The following CABLES1 variants were observed in gnomAD, a reference collection of about 807,000 sequenced individuals.
CABLES1 encodes CDK5 and ABL1 enzyme substrate 1.
In CABLES1, 36 loss-of-function variants were observed where a neutral mutation model predicts 57.8. The observed-to-expected ratio is 0.62, with a 90% CI of 0.48 to 0.82. CABLES1 has a LOEUF of 0.82. CABLES1 is among the 40% of genes least tolerant of loss of function. CABLES1 has a pLI of 0.00. For missense variants in CABLES1, 767 were observed against 836.6 expected (o/e 0.92, Z 1.03); for synonymous variants, 374 against 363.0 (o/e 1.03, Z -0.35).
intron 7 of CABLES1, among the ~76,000 whole-genome samples, chr18:23,250,673 G>T (rs1204689311): frequency 1.3e-5 from 2 of 152,172 alleles, no homozygotes; most frequent in Non-Finnish European, 2.9e-5. Flanking sequence ...CCCTTTCCTG[G>T]TCCTTGCAGG....
At chr18:23,246,584 G>A (rs1398652854) in intron 7 of CABLES1, among the ~76,000 whole-genome samples, 3 of 151,746 alleles carry the variant, frequency 2.0e-5, no homozygotes, top group Admixed American at 1.3e-4. Flanking sequence ...GTAGAGATGG[G>A]GTTTCACCGT....
intron 8 of CABLES1, 41 bp downstream of exon 8, chr18:23,253,107 C>A (rs1322006204): frequency 1.8e-6 from 2 of 1,111,674 alleles, no homozygotes; most frequent in South Asian, 2.5e-5. Context: ...TCCCTGCAAA[C>A]CCCTCTTTCC....
rs547467789 is a variant in CABLES1, at chr18:23,247,016, A to G, written c.1447-5944A>G. On this transcript the variant is annotated intron_variant, in intron 7 of 9. Transcript: ENST00000256925. ...CTTGCAAGTTTTTATAATTCATACA[A>G]TTCAAACCTGAATAAAGCATTGGCC... Among the ~76,000 whole-genome samples, 13 of 152,342 alleles carry G rather than the reference A, an allele frequency of 8.5e-5. No homozygotes were observed. The South Asian group carries it at 2.3e-3, about 27-fold the overall frequency.
intron 9 of CABLES1, among the ~76,000 whole-genome samples, chr18:23,256,467 G>A (rs1282964199): frequency 3.3e-5 from 5 of 152,152 alleles, no homozygotes; most frequent in Non-Finnish European, 7.3e-5. Context: ...ATTGTCGTGC[G>A]TGGTTTGCTT....
intron 4 of CABLES1, among the ~76,000 whole-genome samples, chr18:23,225,057 G>A (rs975937440): frequency 5.3e-5 from 8 of 151,898 alleles, no homozygotes; most frequent in Non-Finnish European, 1.0e-4. Context: ...TTGTAGAGTC[G>A]GGTTTCACCA....
intron 3 of CABLES1, among the ~76,000 whole-genome samples, chr18:23,213,611 A>G (rs2047420255): frequency 1.3e-5 from 2 of 152,196 alleles, no homozygotes; most frequent in Admixed American, 1.3e-4. Flanking sequence ...ATAGAAATCA[A>G]TGGTTTAAAT....
At chr18:23,203,560 G>A (rs1466398798) in intron 3 of CABLES1, among the ~76,000 whole-genome samples, 1 of 152,178 alleles carries the variant, frequency 6.6e-6, no homozygotes, top group Non-Finnish European at 1.5e-5. Context: ...TCAAGCTGGA[G>A]CCTTTCCTTG....
At chr18:23,239,991 G>A (rs187721147) in intron 7 of CABLES1, among the ~76,000 whole-genome samples, 22 of 152,296 alleles carry the variant, frequency 1.4e-4, no homozygotes, top group South Asian at 1.2e-3. Flanking sequence ...GGTGTTGCGC[G>A]CCTGTAGTCC....
chr18:23,205,610 A>G (rs936651903), intron 3 of CABLES1, among the ~76,000 whole-genome samples: 1 of 152,134 alleles, frequency 6.6e-6, no homozygotes, highest in Non-Finnish European at 1.5e-5. Context: ...TTATTTGGAA[A>G]CAGAGTTGTG....
At chr18:23,143,094 TG>T (rs1489273727) in intron 1 of CABLES1, among the ~76,000 whole-genome samples, 1 of 152,180 alleles carries the variant, frequency 6.6e-6, no homozygotes, top group Non-Finnish European at 1.5e-5. Flanking sequence ...AGGCTTCAGC[TG>T]AACTGAGCAG....
At chr18:23,217,644 CAACT>C (rs1471430654) in intron 4 of CABLES1, among the ~76,000 whole-genome samples, 1 of 152,154 alleles carries the variant, frequency 6.6e-6, no homozygotes, top group Non-Finnish European at 1.5e-5. Flanking sequence ...AATTGGGAAA[CAACT>C]ATGCTCAAAT....
chr18:23,153,139 AG>A (rs1342022446), intron 1 of CABLES1, among the ~76,000 whole-genome samples: 1 of 151,530 alleles, frequency 6.6e-6, no homozygotes, highest in Non-Finnish European at 1.5e-5. Context: ...TTTCCCTCCC[AG>A]GCTGGAGTGT....
chr18:23,143,509 C>T (rs562716454), intron 1 of CABLES1, among the ~76,000 whole-genome samples: 1 of 152,354 alleles, frequency 6.6e-6, no homozygotes, highest in African/African-American at 2.4e-5. Flanking sequence ...ATCACCCTTT[C>T]CCCAACTGCC....
intron 1 of CABLES1, among the ~76,000 whole-genome samples, chr18:23,159,471 G>C (rs773515834): frequency 6.6e-6 from 1 of 152,198 alleles, no homozygotes; most frequent in Non-Finnish European, 1.5e-5. Flanking sequence ...TTTCTTGAGA[G>C]AGAAAGGCAC....
intron 4 of CABLES1, among the ~76,000 whole-genome samples, chr18:23,229,994 A>G (rs2047555556): frequency 1.3e-5 from 2 of 152,242 alleles, no homozygotes; most frequent in South Asian, 2.1e-4. Flanking sequence ...CTTACCTAAG[A>G]AGAATGAACC....
At chr18:23,252,013 G>A (rs1468368058) in intron 7 of CABLES1, among the ~76,000 whole-genome samples, 1 of 151,792 alleles carries the variant, frequency 6.6e-6, no homozygotes, top group Non-Finnish European at 1.5e-5. Flanking sequence ...TTGAACCCGG[G>A]AGGCGGAGGT....
chr18:23,230,862 C>G (rs980572002), intron 4 of CABLES1, among the ~76,000 whole-genome samples: 2 of 152,128 alleles, frequency 1.3e-5, no homozygotes, highest in African/African-American at 2.4e-5. Context: ...TTTGGTTGCC[C>G]TAGCACTGCC....
chr18:23,185,990 A>G (rs1174749888), intron 1 of CABLES1, among the ~76,000 whole-genome samples: 1 of 152,188 alleles, frequency 6.6e-6, no homozygotes, highest in Non-Finnish European at 1.5e-5. Context: ...GGGGGCCACT[A>G]ATTTTATAGG....
chr18:23,207,526 G>A (rs1031507236), intron 3 of CABLES1, among the ~76,000 whole-genome samples: 1 of 152,262 alleles, frequency 6.6e-6, no homozygotes, highest in East Asian at 1.9e-4. Context: ...TGTGTGTTCA[G>A]TAGCGCCCCC....
Sources: gnomAD v4.1 joint callset for allele counts (sites outside exome capture counted in the v4.1 genomes callset) on GRCh38, gnomAD v4.1.1 for gene constraint, MANE v1.5 for transcripts, NCBI Gene and HGNC (gene_info 2026-07-23, HGNC 2026-07-21) for gene names.